MYCBP2: variants seen among roughly 807,000 people sequenced by gnomAD.
MYCBP2 encodes the protein E3 ubiquitin-protein ligase MYCBP2.
Under a neutral mutation model 525.3 loss-of-function variants are expected in MYCBP2, and 120 were observed. The observed-to-expected ratio is 0.23, with a 90% CI of 0.20 to 0.27. The LOEUF is 0.27. Ranked by LOEUF, MYCBP2 falls within the 10% of genes least tolerant of loss-of-function variation. The pLI is 1.00. For synonymous variants in MYCBP2, 1,894 were observed against 1,955.8 expected (o/e 0.97, Z 0.83); for missense variants, 4,149 against 5,657.1 (o/e 0.73, Z 8.55).
At chr13:77,047,029 C>CAACAAAT in intron 82 of MYCBP2, among the ~76,000 whole-genome samples, 1 of 152,240 alleles carries the variant, frequency 6.6e-6, no homozygotes, top group Non-Finnish European at 1.5e-5. Context: ...AAAAATGAGT[C>CAACAAAT]ATTTACTCAA....
At chr13:77,077,499 A>G in intron 66 of MYCBP2, 112 bp from the exon 67 acceptor site, 1 of 1,292,300 alleles carries the variant, frequency 7.7e-7, no homozygotes, top group Non-Finnish European at 1.1e-6. Context: ...TGCACAGAGT[A>G]AAGGTTATGA....
intron 68 of MYCBP2, among the ~76,000 whole-genome samples, chr13:77,074,888 A>G (rs1272312854): frequency 6.6e-6 from 1 of 152,134 alleles, no homozygotes; most frequent in Non-Finnish European, 1.5e-5. Context: ...GGAACATGAG[A>G]GAAATTTGGG....
At chr13:77,257,629 A>G (rs1303220040) in intron 14 of MYCBP2, 42 bp downstream of exon 14, 1 of 1,492,864 alleles carries the variant, frequency 6.7e-7, no homozygotes, top group Admixed American at 2.4e-5. Flanking sequence ...AAACTAATGA[A>G]AAGACAACAC....
chr13:77,123,184 C>T (rs1301675953), intron 54 of MYCBP2, among the ~76,000 whole-genome samples: 2 of 152,174 alleles, frequency 1.3e-5, no homozygotes, highest in African/African-American at 4.8e-5. Flanking sequence ...ACTATTTGGG[C>T]AGCACATCAA....
intron 27 of MYCBP2, among the ~76,000 whole-genome samples, 200 bp downstream of exon 27, chr13:77,193,953 T>C (rs2061522266): frequency 6.6e-6 from 1 of 152,168 alleles, no homozygotes; most frequent in Non-Finnish European, 1.5e-5. Context: ...ACTTATGAAA[T>C]AAATTTATGA....
At chr13:77,231,377 T>A (rs980847754) in intron 18 of MYCBP2, among the ~76,000 whole-genome samples, 1 of 152,192 alleles carries the variant, frequency 6.6e-6, no homozygotes, top group Non-Finnish European at 1.5e-5. Flanking sequence ...ATTACAGGCA[T>A]GTGCCACCAC....
At chr13:77,082,702 T>A (rs2043504664) in intron 63 of MYCBP2, among the ~76,000 whole-genome samples, 1 of 152,136 alleles carries the variant, frequency 6.6e-6, no homozygotes, top group South Asian at 2.1e-4. Context: ...CTATTTTGGT[T>A]TTTGTTTTTG....
chr13:77,249,676 T>G (rs1052990792), intron 15 of MYCBP2, among the ~76,000 whole-genome samples: 27 of 152,080 alleles, frequency 1.8e-4, no homozygotes, highest in African/African-American at 6.3e-4. Context: ...ATTACAGACA[T>G]GGGCCACTAC....
At chr13:77,158,187 C>T in intron 44 of MYCBP2, 78 bp from the exon 45 acceptor site, 4 of 923,858 alleles carry the variant, frequency 4.3e-6, no homozygotes, top group Non-Finnish European at 6.1e-6. Flanking sequence ...CATGCAGATA[C>T]TTTCAGATAG....
Position 77,168,657 on chromosome 13 carries a change from T to A in MYCBP2, c.5896-11A>T. On this transcript the variant is annotated splice_polypyrimidine_tract_variant and intron_variant, in intron 39 of 82. Coordinates refer to ENST00000544440, the MANE Select transcript of MYCBP2 (RefSeq NM_015057.5). ...GACTTCTACAGCCACCTAGTACACA[T>A]ATAAAAATATGGTTAAATGAGATAC... 6.2e-7 allele frequency: 1 copy of A among 1,612,284 alleles called. No homozygotes were observed. The highest frequency in any genetic ancestry group is 8.5e-7 in the Non-Finnish European group (1 of 1,178,532).
chr13:77,143,674 G>T (rs1594879045), intron 49 of MYCBP2, among the ~76,000 whole-genome samples: 1 of 152,230 alleles, frequency 6.6e-6, no homozygotes, highest in African/African-American at 2.4e-5. Context: ...GCTTAAGGAT[G>T]GGGAAATGTT....
intron 4 of MYCBP2, among the ~76,000 whole-genome samples, chr13:77,278,475 A>G (rs1410238773): frequency 1.3e-5 from 2 of 152,204 alleles, no homozygotes; most frequent in African/African-American, 4.8e-5. Flanking sequence ...CAATTAAATA[A>G]AGACTGCATT....
intron 55 of MYCBP2, chr13:77,103,157 C>T (rs1028756872): frequency 5.0e-6 from 2 of 396,890 alleles, no homozygotes; most frequent in African/African-American, 4.1e-5. Flanking sequence ...TCTTTAATGA[C>T]ACTCCTTATG....
chr13:77,211,543 T>C (rs1953244385), intron 22 of MYCBP2, among the ~76,000 whole-genome samples: 1 of 152,176 alleles, frequency 6.6e-6, no homozygotes, highest in South Asian at 2.1e-4. Context: ...CTCTATTATA[T>C]AATTATTCAC....
intron 80 of MYCBP2, among the ~76,000 whole-genome samples, chr13:77,054,275 G>GC (rs2037413721): frequency 6.6e-6 from 1 of 152,190 alleles, no homozygotes; most frequent in Non-Finnish European, 1.5e-5. Flanking sequence ...TTTGGGAAAT[G>GC]CAAGTTATTT....
intron 69 of MYCBP2, among the ~76,000 whole-genome samples, chr13:77,069,822 C>T (rs1368200261): frequency 2.6e-5 from 4 of 150,956 alleles, no homozygotes; most frequent in East Asian, 1.9e-4. Flanking sequence ...GGGCCGAGAT[C>T]GCACCACTGC....
At chr13:77,186,810 T>TTC (rs1253877017) in intron 30 of MYCBP2, among the ~76,000 whole-genome samples, 1 of 148,694 alleles carries the variant, frequency 6.7e-6, no homozygotes, top group Non-Finnish European at 1.5e-5. Context: ...CAATTTTTTT[T>TTC]TTTTTTTTTT....
chr13:77,246,282 A>G (rs2069919608), intron 15 of MYCBP2, among the ~76,000 whole-genome samples: 1 of 152,168 alleles, frequency 6.6e-6, no homozygotes, highest in Non-Finnish European at 1.5e-5. Context: ...TTGGAAGATC[A>G]CTTACTACAC....
chr13:77,167,445 G>A (rs1040699433), intron 40 of MYCBP2, among the ~76,000 whole-genome samples: 32 of 152,054 alleles, frequency 2.1e-4, no homozygotes, highest in Admixed American at 1.8e-3. Flanking sequence ...CAAATACATA[G>A]GATCCAGTTT....
Sources: gnomAD v4.1 joint callset for allele counts (sites outside exome capture counted in the v4.1 genomes callset) on GRCh38, gnomAD v4.1.1 for gene constraint, MANE v1.5 for transcripts, NCBI Gene and HGNC (gene_info 2026-07-23, HGNC 2026-07-21) for gene names.